MSRB3: variants seen among roughly 807,000 people sequenced by gnomAD.
The protein encoded by MSRB3 is methionine-R-sulfoxide reductase B3.
A neutral mutation model predicts 21.0 loss-of-function variants in MSRB3; 13 were observed. The ratio of observed to expected loss-of-function variants is 0.62; its 90% CI spans 0.40 to 0.98. The LOEUF is 0.98. MSRB3 is among the 50% of genes least tolerant of loss of function. The pLI is 0.00. For synonymous variants in MSRB3, 87 were observed against 88.6 expected, an observed-to-expected ratio of 0.98 and a Z score of 0.10; for missense variants, 199 against 230.3, an observed-to-expected ratio of 0.86 and a Z score of 0.88.
At chr12:65,285,442 A>C (rs549201633) in intron 1 of MSRB3, 1 of 152,304 alleles carries the variant, frequency 6.6e-6, no homozygotes, top group South Asian at 2.1e-4. Flanking sequence ...AGGAAAGTTG[A>C]GGGAATGTAT....
chr12:65,383,497 A>C (rs2136563034), intron 5 of MSRB3, among the ~76,000 whole-genome samples: 1 of 152,186 alleles, frequency 6.6e-6, no homozygotes, highest in Non-Finnish European at 1.5e-5. Flanking sequence ...TCCCAGTGTC[A>C]CTTTAATTAT....
intron 5 of MSRB3, among the ~76,000 whole-genome samples, chr12:65,387,172 TAAA>T (rs1004456839): frequency 6.6e-6 from 1 of 151,902 alleles, no homozygotes; most frequent in African/African-American, 2.4e-5. Context: ...CAAGGGGAAA[TAAA>T]AAAATCAGCA....
At position 65,295,396 on chromosome 12, in the gene MSRB3, C is replaced by A. The variant is rs140688417; in HGVS notation, c.-51-13133C>A. ...TCTATATGATTTTGTATTATACGTT[C>A]TCCCTTTTAAGGATTATTTTTATCT... On this transcript the variant is annotated intron_variant, in intron 1 of 6. Coordinates refer to ENST00000308259, the MANE Select transcript of MSRB3 (RefSeq NM_001031679.3). 1.2e-3 allele frequency among the ~76,000 whole-genome samples: 189 copies of A among 152,164 alleles called. 1 individual carries two copies. The Middle Eastern group carries it at 0.024, about 19-fold the overall frequency.
intron 5 of MSRB3, among the ~76,000 whole-genome samples, chr12:65,447,712 T>C (rs888141187): frequency 6.6e-6 from 1 of 152,162 alleles, no homozygotes; most frequent in Non-Finnish European, 1.5e-5. Context: ...GCAGATCTGC[T>C]GTAATCGTTA....
chr12:65,326,811 CCT>C lies in MSRB3; in HGVS notation c.77-8_77-7del, dbSNP rs1875065089. On this transcript the variant is annotated splice_polypyrimidine_tract_variant and intron_variant, in intron 2 of 6. Transcript: ENST00000308259. Reference sequence around the variant, plus strand: ...GCTAAAAAGGCTTCTTCTCCCATATCCTCTCTCTTTTCAGGGTCGTGTAGGGA... The same window carrying C: ...GCTAAAAAGGCTTCTTCTCCCATATCCTCTCTTTTCAGGGTCGTGTAGGGA... 1 of 1,603,160 alleles carries C rather than the reference CCT, an allele frequency of 6.2e-7. No individual in the cohort carries two copies. Among genetic ancestry groups the C allele is most frequent in the Non-Finnish European group, 8.5e-7 (1 of 1,170,436 alleles).
chr12:65,295,288 A>G (rs1000353293), intron 1 of MSRB3, among the ~76,000 whole-genome samples: 1 of 152,188 alleles, frequency 6.6e-6, no homozygotes, highest in African/African-American at 2.4e-5. Context: ...GAAACTTAGG[A>G]TTCTTGTCTT....
intron 4 of MSRB3, among the ~76,000 whole-genome samples, chr12:65,351,105 A>G (rs1423137522): frequency 6.6e-6 from 1 of 152,222 alleles, no homozygotes; most frequent in Non-Finnish European, 1.5e-5. Context: ...AAATTATAAC[A>G]AACTATCTCT....
intron 5 of MSRB3, among the ~76,000 whole-genome samples, chr12:65,446,814 C>A (rs958587202): frequency 6.6e-6 from 1 of 152,096 alleles, no homozygotes; most frequent in African/African-American, 2.4e-5. Flanking sequence ...AGAGTTGTTG[C>A]CGATGCCCAG....
chr12:65,380,595 C>T (rs1317243545), intron 5 of MSRB3, among the ~76,000 whole-genome samples: 1 of 152,042 alleles, frequency 6.6e-6, no homozygotes. Context: ...AGAATTGGTA[C>T]TTAACTCTGT....
At position 65,449,091 on chromosome 12, in the gene MSRB3, C is replaced by T. The variant is rs377612058; in HGVS notation, c.293-4637C>T. ...TTGCCCAGGCTGGAGTGCAGTGGTG[C>T]GATCTCGGCTCACTGCAAGCTCCAC... On this transcript the variant is annotated intron_variant, in intron 5 of 6. Transcript: ENST00000308259. Among the ~76,000 whole-genome samples, 51 of 152,134 alleles carry T rather than the reference C, an allele frequency of 3.4e-4. 1 individual carries two copies. The highest frequency in any genetic ancestry group is 1.1e-3 in the African/African-American group (47 of 41,512).
intron 5 of MSRB3, among the ~76,000 whole-genome samples, chr12:65,403,085 G>A (rs951566121): frequency 2.0e-5 from 3 of 152,224 alleles, no homozygotes; most frequent in African/African-American, 7.2e-5. Context: ...ACAGAGTTCA[G>A]GGACTCACTT....
At position 65,403,934 on chromosome 12, in the gene MSRB3, C is replaced by T. The variant is rs1047061544; in HGVS notation, c.292+34908C>T. 2.6e-5 allele frequency among the ~76,000 whole-genome samples: 4 copies of T among 152,302 alleles called. No individual in the cohort carries two copies. The East Asian group carries it at 7.7e-4, about 29-fold the overall frequency. On this transcript the variant is annotated intron_variant, in intron 5 of 6. Transcript: ENST00000308259. The stretch of plus-strand genomic sequence containing the variant: ...TTCGGCTCCCCCTCCATGGGCTGCA[C>T]CCACTGTCTAACCAGTCCCAGTGAG...
chr12:65,297,067 C>T (rs1873013416), intron 1 of MSRB3, among the ~76,000 whole-genome samples: 1 of 152,108 alleles, frequency 6.6e-6, no homozygotes, highest in African/African-American at 2.4e-5. Context: ...ATGTCCTTTG[C>T]AGGGACATGG....
chr12:65,330,716 G>A (rs1479945863), intron 4 of MSRB3, among the ~76,000 whole-genome samples: 1 of 151,944 alleles, frequency 6.6e-6, no homozygotes, highest in Admixed American at 6.6e-5. Context: ...ATGACAGTTC[G>A]GCAACTTTAA....
chr12:65,340,070 A>G (rs1876038010), intron 4 of MSRB3, among the ~76,000 whole-genome samples: 1 of 152,230 alleles, frequency 6.6e-6, no homozygotes. Context: ...GCCCAGATAT[A>G]CAGATATTTA....
chr12:65,450,934 T>G (rs1882828871), intron 5 of MSRB3, among the ~76,000 whole-genome samples: 2 of 152,208 alleles, frequency 1.3e-5, no homozygotes, highest in South Asian at 4.1e-4. Context: ...AGTTTATTAC[T>G]GGGGGAAGGT....
At chr12:65,341,822 T>C (rs1483671848) in intron 4 of MSRB3, among the ~76,000 whole-genome samples, 1 of 151,992 alleles carries the variant, frequency 6.6e-6, no homozygotes, top group Non-Finnish European at 1.5e-5. Context: ...GATGTACAAA[T>C]GGTTCAATAC....
At chr12:65,297,393 A>G in intron 1 of MSRB3, among the ~76,000 whole-genome samples, 1 of 152,208 alleles carries the variant, frequency 6.6e-6, no homozygotes, top group Admixed American at 6.5e-5. Context: ...AATAAAAATT[A>G]AAATAGAATC....
At chr12:65,453,968 T>C (rs748702188) in intron 6 of MSRB3, 143 bp downstream of exon 6, 7 of 726,390 alleles carry the variant, frequency 9.6e-6, no homozygotes, top group South Asian at 4.4e-5. Context: ...TGGATGCCTA[T>C]GTTCAGGTGT....
Sources: allele counts gnomAD v4.1 joint callset (sites outside exome capture counted in the v4.1 genomes callset), GRCh38; gene constraint gnomAD v4.1.1; transcripts MANE v1.5; gene names NCBI Gene and HGNC (gene_info 2026-07-23, HGNC 2026-07-21).